Variants in CNTNAP5 observed in about 807,000 individuals in gnomAD.
CNTNAP5 encodes the protein contactin associated protein family member 5.
CNTNAP5 carries 72 observed loss-of-function variants against 150.2 expected under a neutral mutation model. That is an observed-to-expected ratio of 0.48 (90% CI 0.40 to 0.58). The LOEUF is 0.58. CNTNAP5 is among the 20% of genes least tolerant of loss of function. CNTNAP5 has a pLI of 0.00. For missense variants in CNTNAP5, 1,636 were observed against 1,626.2 expected (o/e 1.01, Z -0.10); for synonymous variants, 672 against 619.8 (o/e 1.08, Z -1.25).
At chr2:124,509,235 G>C (rs1573422899) in intron 8 of CNTNAP5, among the ~76,000 whole-genome samples, 1 of 152,322 alleles carries the variant, frequency 6.6e-6, no homozygotes, top group South Asian at 2.1e-4. Flanking sequence ...GAAGATCAAG[G>C]AGAGACTTGC....
At chr2:124,374,686 G>A (rs1233963503) in intron 3 of CNTNAP5, among the ~76,000 whole-genome samples, 1 of 152,114 alleles carries the variant, frequency 6.6e-6, no homozygotes, top group Admixed American at 6.6e-5. Context: ...ACATAAGTCA[G>A]ACCAACTCTA....
chr2:124,260,512 C>A (rs1687426037), intron 3 of CNTNAP5, among the ~76,000 whole-genome samples: 1 of 152,132 alleles, frequency 6.6e-6, no homozygotes, highest in Non-Finnish European at 1.5e-5. Context: ...CCAAAATTGA[C>A]AAATGGGATC....
At position 124,899,465 on chromosome 2, in the gene CNTNAP5, T is replaced by C. The variant is rs940627224; in HGVS notation, c.3437-3417T>C. Reference sequence around the variant, plus strand: ...TCAAGAACCTTATTTTGATGATATTTAAAATGTATTGAGTGACAGAAACTA... The same window carrying C: ...TCAAGAACCTTATTTTGATGATATTCAAAATGTATTGAGTGACAGAAACTA... On this transcript the variant is annotated intron_variant, in intron 21 of 23. Transcript: ENST00000682447. Among the ~76,000 whole-genome samples the C allele has an allele frequency of 4.0e-5, 6 of 151,636 alleles. 1 individual carries two copies. The highest frequency in any genetic ancestry group is 9.8e-5 in the African/African-American group (4 of 40,968).
At chr2:124,897,452 A>G (rs921849638) in intron 21 of CNTNAP5, among the ~76,000 whole-genome samples, 1 of 151,538 alleles carries the variant, frequency 6.6e-6, no homozygotes, top group Non-Finnish European at 1.5e-5. Context: ...TAGGTGGCCA[A>G]TAATTAGATG....
At chr2:124,906,379 G>T (rs1193868798) in intron 22 of CNTNAP5, among the ~76,000 whole-genome samples, 4 of 152,038 alleles carry the variant, frequency 2.6e-5, no homozygotes, top group African/African-American at 7.2e-5. Context: ...GTTTGATAAA[G>T]CTCCCATTTT....
chr2:124,343,980 C>T (rs1006819659), intron 3 of CNTNAP5, among the ~76,000 whole-genome samples: 1 of 152,070 alleles, frequency 6.6e-6, no homozygotes. Flanking sequence ...CTTGTTGAAA[C>T]TAATCTATCC....
intron 4 of CNTNAP5, among the ~76,000 whole-genome samples, chr2:124,426,746 A>G (rs1393639539): frequency 6.6e-6 from 1 of 152,186 alleles, no homozygotes; most frequent in Non-Finnish European, 1.5e-5. Context: ...AGCTACCAAC[A>G]TCCATCAAAT....
At chr2:124,075,080 A>G (rs190106529) in intron 1 of CNTNAP5, among the ~76,000 whole-genome samples, 1 of 152,250 alleles carries the variant, frequency 6.6e-6, no homozygotes, top group African/African-American at 2.4e-5. Context: ...TTTTTTTACA[A>G]TTGGGGATAA....
chr2:124,825,036 A>C (rs1682563457), intron 19 of CNTNAP5, among the ~76,000 whole-genome samples: 1 of 152,210 alleles, frequency 6.6e-6, no homozygotes, highest in Admixed American at 6.5e-5. Flanking sequence ...ACATATTCTT[A>C]ACTATTGTAA....
Position 124,524,323 on chromosome 2 carries a change from C to G in CNTNAP5, c.1348C>G (p.Leu450Val). Residue 450 changes from leucine to valine, a missense_variant, in exon 9 of 24, where the codon CTG (leucine) becomes GTG (valine). Leu to Val is a conservative substitution (Grantham distance 32). Transcript: ENST00000682447. ...ILTGSNLNDG[L>V]WHSVSINARR... ...TGCAGGCAGCAACTTGAATGATGGC[C>G]TGTGGCACTCGGTTAGCATCAACGC... 2 of 1,613,804 alleles carry G rather than the reference C, an allele frequency of 1.2e-6. No homozygotes were observed. Among genetic ancestry groups the G allele is most frequent in the Non-Finnish European group, 1.7e-6 (2 of 1,179,800 alleles).
intron 13 of CNTNAP5, among the ~76,000 whole-genome samples, chr2:124,679,769 T>G (rs2105067272): frequency 6.6e-6 from 1 of 151,908 alleles, no homozygotes; most frequent in South Asian, 2.1e-4. Context: ...CTCGACATGT[T>G]GCCCAGGCTA....
At chr2:124,139,001 T>C (rs2104613314) in intron 1 of CNTNAP5, among the ~76,000 whole-genome samples, 1 of 152,170 alleles carries the variant, frequency 6.6e-6, no homozygotes, top group African/African-American at 2.4e-5. Context: ...GGGTGCTATA[T>C]ATTGAGTCCT....
At position 124,466,325 on chromosome 2, in the gene CNTNAP5, G is replaced by C. The variant is rs1266905321; in HGVS notation, c.919-8414G>C. Among the ~76,000 whole-genome samples, 3 of 152,128 alleles carry C rather than the reference G, an allele frequency of 2.0e-5. No individual in the cohort carries two copies. In the East Asian group the frequency reaches 5.8e-4, roughly 29 times the overall value. On this transcript the variant is annotated intron_variant, in intron 6 of 23. Coordinates refer to ENST00000682447, the MANE Select transcript of CNTNAP5 (RefSeq NM_001367498.1). ...CTATCCTATGGCACCAACTGATCTTGCTTTCTTTACTTATGACTTAAAATT... is the reference window on the plus strand; with the variant it reads ...CTATCCTATGGCACCAACTGATCTTCCTTTCTTTACTTATGACTTAAAATT...
intron 4 of CNTNAP5, among the ~76,000 whole-genome samples, chr2:124,422,998 G>A (rs532024369): frequency 7.9e-5 from 12 of 152,256 alleles, no homozygotes; most frequent in African/African-American, 2.4e-4. Flanking sequence ...TATCATTTCC[G>A]TGTCTGTGAT....
chr2:124,304,955 G>A (rs1409431997), intron 3 of CNTNAP5, among the ~76,000 whole-genome samples: 1 of 151,888 alleles, frequency 6.6e-6, no homozygotes, highest in Non-Finnish European at 1.5e-5. Context: ...TATCCCAGGA[G>A]TAAACAAAAG....
chr2:124,704,650 A>C (rs1023738023), intron 13 of CNTNAP5, among the ~76,000 whole-genome samples: 19 of 152,324 alleles, frequency 1.2e-4, no homozygotes, highest in African/African-American at 4.6e-4. Context: ...TATAAAAAGA[A>C]AAAATAATTC....
At chr2:124,424,540 A>T (rs1365023) in intron 4 of CNTNAP5, among the ~76,000 whole-genome samples, 148,996 of 152,344 alleles carry the variant, frequency 0.98, 72,945 homozygotes, top group East Asian at 1. Context: ...CTTCTTTCTC[A>T]TAGTTCCTAT....
chr2:124,417,641 C>T (rs1453907633), intron 4 of CNTNAP5, 51 bp downstream of exon 4: 3 of 1,528,032 alleles, frequency 2.0e-6, no homozygotes, highest in Non-Finnish European at 2.7e-6. Context: ...GTGGCACCGC[C>T]TACGTAACAT....
At chr2:124,389,621 T>C (rs2104746936) in intron 3 of CNTNAP5, among the ~76,000 whole-genome samples, 1 of 152,284 alleles carries the variant, frequency 6.6e-6, no homozygotes, top group South Asian at 2.1e-4. Context: ...CCACAAGTAG[T>C]AGAGATGCAA....
Sources: gnomAD v4.1 joint callset for allele counts (sites outside exome capture counted in the v4.1 genomes callset) on GRCh38, gnomAD v4.1.1 for gene constraint, MANE v1.5 for transcripts, NCBI Gene and HGNC (gene_info 2026-07-23, HGNC 2026-07-21) for gene names.